The following PIK3CG variants were observed in gnomAD, a reference collection of about 807,000 sequenced individuals.
PIK3CG encodes the protein phosphatidylinositol-4,5-bisphosphate 3-kinase catalytic subunit gamma.
In PIK3CG, 55 loss-of-function variants were observed where a neutral mutation model predicts 102.3. The observed-to-expected ratio is 0.54, with a 90% CI of 0.43 to 0.67. PIK3CG has a LOEUF of 0.67. PIK3CG is among the 30% of genes least tolerant of loss of function. The pLI is 0.00. For synonymous variants in PIK3CG, 552 were observed against 540.0 expected (o/e 1.02, Z -0.31); for missense variants, 1,258 against 1,391.8 (o/e 0.90, Z 1.53).
chr7:106,868,004 A>C lies in PIK3CG; in HGVS notation c.443A>C (p.Gln148Pro), dbSNP rs1790368083. The C allele has an allele frequency of 1.2e-6, 2 of 1,612,158 alleles. No homozygotes were observed. Among genetic ancestry groups the C allele is most frequent in the Non-Finnish European group, 8.5e-7 (1 of 1,179,122 alleles). Residue 148 changes from glutamine to proline, a missense_variant, in exon 2 of 11, where the codon CAA becomes CCA. Physicochemically the swap from Gln to Pro is moderately conservative, Grantham distance 76. This residue lies in a region of PIK3CG where 832 missense variants were observed against 787.5 expected (regional missense o/e 1.06). Coordinates refer to ENST00000496166, the MANE Select transcript of PIK3CG (RefSeq NM_001282426.2). The surrounding 1 kb of genome is among the most constrained non-coding windows in gnomAD (Gnocchi z 6.2). ...CGGCACCCGCCCTCCGAGGAGTCCC[A>C]AGCCTTCCAGCGGCAGCTCACGGCG... Reference protein sequence around the residue: ...VQRHPPSEESQAFQRQLTALI... With the variant: ...VQRHPPSEESPAFQRQLTALI...
rs1376166335 is a variant in PIK3CG at position 106,895,974 on chromosome 7, G to GT, written c.3031-9134dup. On this transcript the variant is annotated intron_variant, in intron 10 of 10. Transcript: ENST00000496166. The surrounding 1 kb of genome is among the most constrained non-coding windows in gnomAD (Gnocchi z 5.4). ...GATTAAAGCTGCACCAAGTCTCTAA[G>GT]TGTGTACAGCCCATCAGAATCTCGA... Among the ~76,000 whole-genome samples, 4 of 152,220 alleles carry GT rather than the reference G, an allele frequency of 2.6e-5. No individual in the cohort carries two copies. The highest frequency in any genetic ancestry group is 9.6e-5 in the African/African-American group (4 of 41,466).
At chr7:106,873,379 A>C (rs1310915628) in intron 4 of PIK3CG, among the ~76,000 whole-genome samples, 1 of 152,154 alleles carries the variant, frequency 6.6e-6, no homozygotes, top group Non-Finnish European at 1.5e-5. Flanking sequence ...ATAGAGATAC[A>C]TTCATTCTTC....
chr7:106,898,039 C>T (rs1219103112), intron 10 of PIK3CG, among the ~76,000 whole-genome samples: 1 of 152,208 alleles, frequency 6.6e-6, no homozygotes, highest in African/African-American at 2.4e-5. Flanking sequence ...ACCTCGCCAG[C>T]ATCTGTTACT....
rs1562952513 is a variant in PIK3CG at position 106,867,162 on chromosome 7, T to G, written c.-12-388T>G. 6.6e-6 allele frequency among the ~76,000 whole-genome samples: 1 copy of G among 152,174 alleles called. No homozygotes were observed. The highest frequency in any genetic ancestry group is 1.9e-4 in the East Asian group (1 of 5,202). On this transcript the variant is annotated intron_variant, in intron 1 of 10. Coordinates refer to ENST00000496166, the MANE Select transcript of PIK3CG (RefSeq NM_001282426.2). The surrounding 1 kb of genome is among the most constrained non-coding windows in gnomAD (Gnocchi z 5.1). Reference sequence around the variant, plus strand: ...TCATGCGCTGTGCTGGATGAGTGTTTTACCTACCTCTTTAAAATTTTCAAA... The same window carrying G: ...TCATGCGCTGTGCTGGATGAGTGTTGTACCTACCTCTTTAAAATTTTCAAA...
chr7:106,901,939 C>A (rs849408), intron 10 of PIK3CG, among the ~76,000 whole-genome samples: 141,493 of 152,184 alleles, frequency 0.93, 65,892 homozygotes, highest in East Asian at 1. Flanking sequence ...ATGTTAACTC[C>A]CAGTTGCAGC....
chr7:106,902,819 CT>C lies in PIK3CG; in HGVS notation c.3031-2283del, dbSNP rs1584350855. Among the ~76,000 whole-genome samples the C allele has an allele frequency of 6.6e-6, 1 of 152,128 alleles. No homozygotes were observed. Among genetic ancestry groups the C allele is most frequent in the East Asian group, 1.9e-4 (1 of 5,182 alleles). On this transcript the variant is annotated intron_variant, in intron 10 of 10. Coordinates refer to ENST00000496166, the MANE Select transcript of PIK3CG (RefSeq NM_001282426.2). This position sits in a 1 kb window ranked among gnomAD's most constrained non-coding sequence, Gnocchi z 4.3. ...AAGCCACTTTTAATATTATGTATAG[CT>C]TTTTTTCTCTCAAAAGTTTTAAGTT...
rs1427893262 is a variant in PIK3CG, at chr7:106,884,005, A to G, written c.2761-150A>G. ...AAGCAGAGCAATGAGAAAGTTGGCAATTCATAGATATAATGCTAATGAAAT... is the reference window on the plus strand; with the variant it reads ...AAGCAGAGCAATGAGAAAGTTGGCAGTTCATAGATATAATGCTAATGAAAT... On this transcript the variant is annotated intron_variant, in intron 8 of 10. Coordinates refer to ENST00000496166, the MANE Select transcript of PIK3CG (RefSeq NM_001282426.2). This position sits in a 1 kb window ranked among gnomAD's most constrained non-coding sequence, Gnocchi z 4.2. 4 of 612,996 alleles carry G rather than the reference A, an allele frequency of 6.5e-6. No homozygotes were observed. The highest frequency in any genetic ancestry group is 5.5e-5 in the African/African-American group (3 of 54,614). 38.0% of individuals were successfully genotyped at this position (612,996 alleles called of 1,614,324 possible).
intron 1 of PIK3CG, 165 bp downstream of exon 1, chr7:106,865,591 A>G (rs1384815592): frequency 6.6e-6 from 1 of 152,178 alleles, no homozygotes; most frequent in Non-Finnish European, 1.5e-5. Flanking sequence ...GATATCTACA[A>G]CGTTCCGGCA....
In PIK3CG at chr7:106,868,984, C is replaced by G. The variant is rs753442376; in HGVS notation, c.1423C>G (p.Leu475Val). ...GCTGCTGATAGACCACCGTTTCCTC[C>G]TGCGCCGTGGAGAATACGTCCTCCA... ...NLLLIDHRFL[L>V]RRGEYVLHMW... The change falls in exon 2 of 11, where the codon CTG becomes GTG. Residue 475 changes from leucine (L) to valine (V), a missense_variant. Around this residue, in one of 2 missense-constraint regions of PIK3CG, gnomAD observed 832 missense variants for 787.5 expected, o/e 1.06. Coordinates refer to ENST00000496166, the MANE Select transcript of PIK3CG (RefSeq NM_001282426.2). The surrounding 1 kb of genome is among the most constrained non-coding windows in gnomAD (Gnocchi z 6.2). 4 of 1,614,160 alleles carry G rather than the reference C, an allele frequency of 2.5e-6. No individual in the cohort carries two copies. Among genetic ancestry groups the G allele is most frequent in the Non-Finnish European group, 3.4e-6 (4 of 1,180,026 alleles).
chr7:106,901,004 C>T (rs765774112), intron 10 of PIK3CG, among the ~76,000 whole-genome samples: 1 of 152,146 alleles, frequency 6.6e-6, no homozygotes, highest in Non-Finnish European at 1.5e-5. Context: ...TCCTTCATTT[C>T]GACCTTGGAA....
rs2116457070 is a variant in PIK3CG, at chr7:106,869,072, C to A, written c.1511C>A (p.Ser504Tyr). Residue 504 changes from serine to tyrosine, a missense_variant, in exon 2 of 11, where the codon TCT (serine) becomes TAT (tyrosine). Around this residue, in one of 2 missense-constraint regions of PIK3CG, gnomAD observed 832 missense variants for 787.5 expected, o/e 1.06. Coordinates refer to ENST00000496166, the MANE Select transcript of PIK3CG (RefSeq NM_001282426.2). The surrounding 1 kb of genome is among the most constrained non-coding windows in gnomAD (Gnocchi z 5.3). ...QGSFNADKLT[S>Y]ATNPDKENSM... ...AGCTTCAATGCTGACAAACTCACGT[C>A]TGCAACTAACCCAGACAAGGAGAAC... 1 of 1,614,224 alleles carries A rather than the reference C, an allele frequency of 6.2e-7. No individual in the cohort carries two copies. The highest frequency in any genetic ancestry group is 1.1e-5 in the South Asian group (1 of 91,086).
chr7:106,866,633 T>C (rs568036778), intron 1 of PIK3CG, among the ~76,000 whole-genome samples: 1 of 152,338 alleles, frequency 6.6e-6, no homozygotes, highest in Non-Finnish European at 1.5e-5. Context: ...ATTAATTAAT[T>C]AAACAATGTT....
At position 106,890,090 on chromosome 7, in the gene PIK3CG, A is replaced by C. The variant is rs1006040291; in HGVS notation, c.3030+3798A>C. ...TTAAATTTCACTGAACAGTTATAGA[A>C]TATATATAATAAACAAATGTATTTA... On this transcript the variant is annotated intron_variant, in intron 10 of 10. Transcript: ENST00000496166. This position sits in a 1 kb window ranked among gnomAD's most constrained non-coding sequence, Gnocchi z 4.2. 1.3e-5 allele frequency among the ~76,000 whole-genome samples: 2 copies of C among 152,272 alleles called. No homozygotes were observed. The highest frequency in any genetic ancestry group is 1.3e-4 in the Admixed American group (2 of 15,288).
At position 106,884,723 on chromosome 7, in the gene PIK3CG, G is replaced by T. The variant is rs143464096; in HGVS notation, c.2872+457G>T. Among the ~76,000 whole-genome samples the T allele has an allele frequency of 1.9e-3, 290 of 152,114 alleles. 12 individuals carry two copies. The East Asian group carries it at 0.043, about 22-fold the overall frequency. On this transcript the variant is annotated intron_variant, in intron 9 of 10. Coordinates refer to ENST00000496166, the MANE Select transcript of PIK3CG (RefSeq NM_001282426.2). This position sits in a 1 kb window ranked among gnomAD's most constrained non-coding sequence, Gnocchi z 4.2. Reference sequence around the variant, plus strand: ...TGCACACTTTTTTTTCAACTCACTTGCCACTATAAAGCCTGCCACCAGATG... The same window carrying T: ...TGCACACTTTTTTTTCAACTCACTTTCCACTATAAAGCCTGCCACCAGATG...
At position 106,881,319 on chromosome 7, in the gene PIK3CG, C is replaced by T. The variant is rs556832866; in HGVS notation, c.2539-798C>T. 2.6e-5 allele frequency among the ~76,000 whole-genome samples: 4 copies of T among 152,254 alleles called. No homozygotes were observed. In the South Asian group the frequency reaches 8.3e-4, roughly 32 times the overall value. ...AGCTCTTTAAGGCTTTGTTCCTTCA[C>T]CTGTAGAATGGGAATAATAATCCTA... On this transcript the variant is annotated intron_variant, in intron 6 of 10. Coordinates refer to ENST00000496166, the MANE Select transcript of PIK3CG (RefSeq NM_001282426.2).
Position 106,894,926 on chromosome 7 carries a change from A to G in PIK3CG, c.3030+8634A>G, listed in dbSNP as rs768710798. Among the ~76,000 whole-genome samples, 18 of 152,218 alleles carry G rather than the reference A, an allele frequency of 1.2e-4. No individual in the cohort carries two copies. Among genetic ancestry groups the G allele is most frequent in the Non-Finnish European group, 2.5e-4 (17 of 68,036 alleles). ...TAAAAGTTTGGGCCCTGAAATGATAATGAATTCCTTTGTTCCCAAGACTTC... is the reference window on the plus strand; with the variant it reads ...TAAAAGTTTGGGCCCTGAAATGATAGTGAATTCCTTTGTTCCCAAGACTTC... On this transcript the variant is annotated intron_variant, in intron 10 of 10. Coordinates refer to ENST00000496166, the MANE Select transcript of PIK3CG (RefSeq NM_001282426.2). This position sits in a 1 kb window ranked among gnomAD's most constrained non-coding sequence, Gnocchi z 4.4.
At chr7:106,882,786 A>G in intron 7 of PIK3CG, 1 of 380,082 alleles carries the variant, frequency 2.6e-6, no homozygotes, top group African/African-American at 2.1e-5. Context: ...TTACTATTCA[A>G]AACCAGCCCT....
chr7:106,901,288 G>A (rs1791546783), intron 10 of PIK3CG, among the ~76,000 whole-genome samples: 1 of 147,118 alleles, frequency 6.8e-6, no homozygotes, highest in Non-Finnish European at 1.5e-5. Context: ...TTGTCTGACT[G>A]TCTTATTTCA....
At position 106,894,178 on chromosome 7, in the gene PIK3CG, A is replaced by G. The variant is rs958465138; in HGVS notation, c.3030+7886A>G. 1.3e-5 allele frequency among the ~76,000 whole-genome samples: 2 copies of G among 152,098 alleles called. No individual in the cohort carries two copies. Among genetic ancestry groups the G allele is most frequent in the East Asian group, 3.9e-4 (2 of 5,194 alleles). On this transcript the variant is annotated intron_variant, in intron 10 of 10. Transcript: ENST00000496166. This position sits in a 1 kb window ranked among gnomAD's most constrained non-coding sequence, Gnocchi z 4.4. ...TTTTCAGCCAATTCTAACTAATGCT[A>G]TTTTGACTTTTGTATCTCCAAATAG...
Sources: gnomAD v4.1 joint callset for allele counts (sites outside exome capture counted in the v4.1 genomes callset) on GRCh38, gnomAD v4.1.1 for gene constraint, gnomAD v4.1.1 regional missense constraint, Gnocchi (gnomAD v3.1) non-coding constraint, MANE v1.5 for transcripts, NCBI Gene and HGNC (gene_info 2026-07-23, HGNC 2026-07-21) for gene names.